The following WWOX variants were observed in gnomAD, a reference collection of about 807,000 sequenced individuals.
WWOX encodes the protein WW domain containing oxidoreductase.
WWOX carries 69 observed loss-of-function variants against 46.2 expected under a neutral mutation model. That is an observed-to-expected ratio of 1.49 (90% CI 1.23 to 1.82). WWOX has a LOEUF of 1.82. WWOX is among the 40% of genes most tolerant of loss of function. WWOX has a pLI of 0.00. For synonymous variants in WWOX, 359 were observed against 202.6 expected, an observed-to-expected ratio of 1.77 and a Z score of -6.56; for missense variants, 919 against 542.6, an observed-to-expected ratio of 1.69 and a Z score of -6.89.
At chr16:78,383,184 T>C (rs1036825476) in intron 5 of WWOX, among the ~76,000 whole-genome samples, 1 of 151,810 alleles carries the variant, frequency 6.6e-6, no homozygotes, top group African/African-American at 2.4e-5. Context: ...ATATGAGATT[T>C]GGGTAGGGAC....
intron 5 of WWOX, among the ~76,000 whole-genome samples, chr16:78,260,936 C>CAA (rs35410839): frequency 8.7e-4 from 55 of 62,876 alleles, no homozygotes; most frequent in Middle Eastern, 7.6e-3. Context: ...GACTCCATCT[C>CAA]AAAAAAAAAA....
intron 5 of WWOX, among the ~76,000 whole-genome samples, chr16:78,345,043 T>A (rs9940286): frequency 0.23 from 26,796 of 118,428 alleles, 8,552 homozygotes; most frequent in African/African-American, 0.38. Flanking sequence ...TGGAAAGTAT[T>A]GTGCGTCATG....
intron 8 of WWOX, among the ~76,000 whole-genome samples, chr16:78,446,586 C>T (rs1157397717): frequency 2.0e-5 from 3 of 151,206 alleles, no homozygotes; most frequent in Admixed American, 2.0e-4. Context: ...TTCATTATTA[C>T]CTTATAAAAA....
chr16:78,787,916 G>C (rs943715934), intron 8 of WWOX, among the ~76,000 whole-genome samples: 2 of 152,094 alleles, frequency 1.3e-5, no homozygotes, highest in Non-Finnish European at 2.9e-5. Context: ...GTATTTTTAT[G>C]TGGTTATTGG....
chr16:78,564,529 G>C (rs559543496), intron 8 of WWOX, among the ~76,000 whole-genome samples: 1 of 152,178 alleles, frequency 6.6e-6, no homozygotes, highest in Non-Finnish European at 1.5e-5. Flanking sequence ...GGTAGAGAGT[G>C]AGTGTTAACA....
At chr16:78,954,379 G>T (rs949120328) in intron 8 of WWOX, among the ~76,000 whole-genome samples, 17 of 152,094 alleles carry the variant, frequency 1.1e-4, no homozygotes, top group Admixed American at 3.3e-4. Context: ...TGGATGTTTG[G>T]GTGGATGAAC....
At chr16:78,433,859 G>A (rs1364929059) in intron 8 of WWOX, among the ~76,000 whole-genome samples, 3 of 136,958 alleles carry the variant, frequency 2.2e-5, no homozygotes, top group Middle Eastern at 4.3e-3. Flanking sequence ...GCGGGATCTC[G>A]GCTCACTGCA....
intron 8 of WWOX, among the ~76,000 whole-genome samples, chr16:78,567,114 G>T (rs141033348): frequency 6.6e-6 from 1 of 152,174 alleles, no homozygotes; most frequent in Non-Finnish European, 1.5e-5. Flanking sequence ...CTGAGGTTCA[G>T]AATGACCCAG....
At chr16:79,045,035 C>A (rs892810013) in intron 8 of WWOX, among the ~76,000 whole-genome samples, 17 of 152,206 alleles carry the variant, frequency 1.1e-4, no homozygotes, top group African/African-American at 4.1e-4. Context: ...CTAGAAGATG[C>A]TAAGTTCTCT....
At chr16:79,047,682 T>A (rs1244497717) in intron 8 of WWOX, among the ~76,000 whole-genome samples, 2 of 144,136 alleles carry the variant, frequency 1.4e-5, no homozygotes, top group East Asian at 4.0e-4. Flanking sequence ...ATTTTTTTTT[T>A]TTTTTTTTTT....
intron 8 of WWOX, among the ~76,000 whole-genome samples, chr16:78,886,228 C>T (rs1597106361): frequency 7.0e-6 from 1 of 142,980 alleles, no homozygotes; most frequent in Non-Finnish European, 1.5e-5. Context: ...CCTGACTGTA[C>T]TTTTTTTTTT....
At chr16:79,106,915 C>G (rs1297306887) in intron 8 of WWOX, among the ~76,000 whole-genome samples, 1 of 147,016 alleles carries the variant, frequency 6.8e-6, no homozygotes, top group Non-Finnish European at 1.5e-5. Context: ...TCAAGCGATT[C>G]TCCTGCCTCA....
chr16:78,657,604 CT>C (rs1191241733), intron 8 of WWOX, among the ~76,000 whole-genome samples: 2 of 152,130 alleles, frequency 1.3e-5, no homozygotes, highest in East Asian at 3.9e-4. Flanking sequence ...CCTACTGGAC[CT>C]TTGTTTCTTG....
chr16:79,158,561 C>A (rs547727838), intron 8 of WWOX, among the ~76,000 whole-genome samples: 58 of 152,332 alleles, frequency 3.8e-4, no homozygotes, highest in Admixed American at 2.6e-3. Context: ...TATGCTGGAT[C>A]ACTTCACGCC....
chr16:78,154,055 A>C (rs1318240093), intron 4 of WWOX, among the ~76,000 whole-genome samples: 1 of 152,018 alleles, frequency 6.6e-6, no homozygotes, highest in East Asian at 1.9e-4. Context: ...GATGCTCTCC[A>C]CCACCATGCC....
chr16:78,719,000 C>G (rs755142518), intron 8 of WWOX, among the ~76,000 whole-genome samples: 34 of 152,060 alleles, frequency 2.2e-4, no homozygotes, highest in Non-Finnish European at 1.9e-4. Context: ...ATCCCAGGCA[C>G]TCTTGGTAGC....
chr16:78,278,700 T>C, intron 5 of WWOX: 1 of 1,553,310 alleles, frequency 6.4e-7, no homozygotes, highest in Non-Finnish European at 8.8e-7. Flanking sequence ...TCTCATCAAT[T>C]ACATCTTCTT....
intron 8 of WWOX, among the ~76,000 whole-genome samples, chr16:78,564,841 T>G (rs561697535): frequency 6.6e-6 from 1 of 150,700 alleles, no homozygotes; most frequent in Non-Finnish European, 1.5e-5. Context: ...TTATTTTTTC[T>G]TTTCTTTCCT....
chr16:79,090,868 A>T (rs2048945547), intron 8 of WWOX, among the ~76,000 whole-genome samples: 1 of 152,168 alleles, frequency 6.6e-6, no homozygotes, highest in African/African-American at 2.4e-5. Context: ...ATCTCAGCTC[A>T]CTGCAACCTT....
Sources: gnomAD v4.1 joint callset for allele counts (sites outside exome capture counted in the v4.1 genomes callset) on GRCh38, gnomAD v4.1.1 for gene constraint, MANE v1.5 for transcripts, NCBI Gene and HGNC (gene_info 2026-07-23, HGNC 2026-07-21) for gene names.